The following PAPPA2 variants were observed in gnomAD, a reference collection of about 807,000 sequenced individuals.
The protein encoded by PAPPA2 is pappalysin-2.
Under a neutral mutation model 176.4 loss-of-function variants are expected in PAPPA2, and 86 were observed. The observed-to-expected ratio is 0.49, with a 90% CI of 0.41 to 0.58. The LOEUF is 0.58. Among genes scored for constraint, PAPPA2 ranks in the 20% least tolerant of loss-of-function variants. The pLI is 0.00. For synonymous variants in PAPPA2, 809 were observed against 852.2 expected (o/e 0.95, Z 0.88); for missense variants, 2,073 against 2,256.9 (o/e 0.92, Z 1.65).
At chr1:176,806,585 G>C (rs530427472) in intron 21 of PAPPA2, among the ~76,000 whole-genome samples, 1 of 152,268 alleles carries the variant, frequency 6.6e-6, no homozygotes, top group African/African-American at 2.4e-5. Context: ...GCTTAACACA[G>C]CTCCATCTCT....
chr1:176,623,736 C>CTCTTTCTTTT (rs1655813155), intron 3 of PAPPA2, among the ~76,000 whole-genome samples: 1 of 107,068 alleles, frequency 9.3e-6, no homozygotes, highest in African/African-American at 3.8e-5. Flanking sequence ...CTCTTTCTTT[C>CTCTTTCTTTT]TTTCTCTCTC....
At position 176,764,596 on chromosome 1, in the gene PAPPA2, C is replaced by CTT. The variant is rs1214683318; in HGVS notation, c.4152-1053_4152-1052dup. On this transcript the variant is annotated intron_variant, in intron 14 of 22. Transcript: ENST00000367662. ...GACACTCATTTTGCTCCAGTGTATT[C>CTT]TTTTTTTTTTTTTTTTTTGAGACGG... is the stretch of plus-strand genomic sequence containing the variant. 4.5e-3 allele frequency among the ~76,000 whole-genome samples: 617 copies of CTT among 136,092 alleles called. 11 individuals are homozygous for CTT. Among genetic ancestry groups the CTT allele is most frequent in the African/African-American group, 0.015 (542 of 37,124 alleles). 89.3% of individuals were successfully genotyped at this position (136,092 alleles called of 152,430 possible). A position where few individuals can be genotyped will look rare whatever the true frequency, so the allele number is the denominator to read the frequency against.
chr1:176,470,986 T>C (rs1651846478), intron 1 of PAPPA2, among the ~76,000 whole-genome samples: 1 of 152,136 alleles, frequency 6.6e-6, no homozygotes, highest in South Asian at 2.1e-4. Flanking sequence ...GAAGGAGCCA[T>C]TGATTCTGGG....
chr1:176,571,048 G>A (rs1652297309), intron 2 of PAPPA2, among the ~76,000 whole-genome samples: 3 of 152,090 alleles, frequency 2.0e-5, no homozygotes, highest in African/African-American at 4.8e-5. Context: ...CATCATCTGT[G>A]TGCCCCTCCA....
chr1:176,587,531 A>G (rs956589557), intron 2 of PAPPA2, among the ~76,000 whole-genome samples: 2 of 152,162 alleles, frequency 1.3e-5, no homozygotes, highest in Admixed American at 6.5e-5. Flanking sequence ...TCCCAGCACC[A>G]TTTACTGAAT....
intron 21 of PAPPA2, among the ~76,000 whole-genome samples, chr1:176,807,222 C>G (rs1665943309): frequency 6.6e-6 from 1 of 152,138 alleles, no homozygotes; most frequent in African/African-American, 2.4e-5. Flanking sequence ...GGATACTTCT[C>G]CCCACTATTA....
intron 1 of PAPPA2, among the ~76,000 whole-genome samples, chr1:176,517,489 A>G (rs1648979500): frequency 6.6e-6 from 1 of 152,190 alleles, no homozygotes; most frequent in African/African-American, 2.4e-5. Context: ...TAAATATTAA[A>G]AAGGAAACTA....
At chr1:176,667,587 C>G (rs1475284350) in intron 3 of PAPPA2, among the ~76,000 whole-genome samples, 1 of 152,074 alleles carries the variant, frequency 6.6e-6, no homozygotes, top group Non-Finnish European at 1.5e-5. Context: ...GGAGAGGGAT[C>G]AGGTCAAAGG....
rs192191288 is a variant in PAPPA2 at position 176,529,012 on chromosome 1, T to A, written c.-916-26395T>A. 9.8e-5 allele frequency among the ~76,000 whole-genome samples: 15 copies of A among 152,294 alleles called. No homozygotes were observed. The East Asian group carries it at 2.9e-3, about 29-fold the overall frequency. Reference sequence around the variant, plus strand: ...TCTTGCTTATTGGATTCCAAGTTACTTGTGGGCAGGAAGCAGACCATGCAT... The same window carrying A: ...TCTTGCTTATTGGATTCCAAGTTACATGTGGGCAGGAAGCAGACCATGCAT... On this transcript the variant is annotated intron_variant, in intron 1 of 22. Transcript: ENST00000367662.
chr1:176,661,809 A>G (rs987214814), intron 3 of PAPPA2, among the ~76,000 whole-genome samples: 1 of 152,144 alleles, frequency 6.6e-6, no homozygotes, highest in Non-Finnish European at 1.5e-5. Context: ...GAACAGTAAG[A>G]CAGACCAGAA....
At chr1:176,678,114 G>A (rs889952945) in intron 4 of PAPPA2, among the ~76,000 whole-genome samples, 1 of 152,134 alleles carries the variant, frequency 6.6e-6, no homozygotes, top group African/African-American at 2.4e-5. Context: ...GGAAGAACTG[G>A]CAGATGGCAG....
chr1:176,617,161 T>A (rs1655310970), intron 3 of PAPPA2, among the ~76,000 whole-genome samples: 1 of 152,210 alleles, frequency 6.6e-6, no homozygotes, highest in Admixed American at 6.5e-5. Flanking sequence ...GAATAGAGGT[T>A]GTGCTGTGCC....
rs376327874 is a variant in PAPPA2 at position 176,769,584 on chromosome 1, A to G, written c.4324-23A>G. ...ATACGCCTTTTAATGTGACTTTGACAGAAGCAATTTCTCTGTTTCTAGAAG... is the reference window on the plus strand; with the variant it reads ...ATACGCCTTTTAATGTGACTTTGACGGAAGCAATTTCTCTGTTTCTAGAAG... On this transcript the variant is annotated intron_variant, in intron 15 of 22. Transcript: ENST00000367662. The G allele has an allele frequency of 1.3e-4, 216 of 1,610,556 alleles. 1 individual carries two copies. Among genetic ancestry groups the G allele is most frequent in the Non-Finnish European group, 1.8e-4 (210 of 1,177,534 alleles).
rs1667520542 is a variant in PAPPA2, at chr1:176,842,376, C to G, written c.5302-4C>G. The G allele has an allele frequency of 6.2e-7, 1 of 1,612,668 alleles. No individual in the cohort carries two copies. The highest frequency in any genetic ancestry group is 8.5e-7 in the Non-Finnish European group (1 of 1,178,958). On this transcript the variant is annotated splice_region_variant and splice_polypyrimidine_tract_variant and intron_variant, in intron 22 of 22. Transcript: ENST00000367662. ...CTATTTCTACTTCCCTTTCATTCCCCTAGGTCATTCCATTTGCTGCTGACT... is the reference window on the plus strand; with the variant it reads ...CTATTTCTACTTCCCTTTCATTCCCGTAGGTCATTCCATTTGCTGCTGACT...
At chr1:176,782,730 G>A (rs1403734861) in intron 17 of PAPPA2, among the ~76,000 whole-genome samples, 1 of 152,096 alleles carries the variant, frequency 6.6e-6, no homozygotes, top group African/African-American at 2.4e-5. Flanking sequence ...AAGAAGTTTG[G>A]ATTTCATTTT....
intron 18 of PAPPA2, among the ~76,000 whole-genome samples, 172 bp from the exon 19 acceptor site, chr1:176,791,173 ATT>A (rs57185368): frequency 4.9e-5 from 4 of 80,880 alleles, no homozygotes; most frequent in African/African-American, 6.0e-5. Context: ...AAAGCAAAGA[ATT>A]TTTTTTTTTT....
In PAPPA2 at chr1:176,740,159, A is replaced by G. The variant is rs374839920; in HGVS notation, c.4114A>G (p.Ile1372Val). The G allele has an allele frequency of 6.2e-7, 1 of 1,613,820 alleles. No individual in the cohort carries two copies. Residue 1372 changes from isoleucine to valine, a missense_variant, in exon 14 of 23, where the codon ATC becomes GTC. By Grantham distance (29) the Ile-to-Val change is conservative (BLOSUM62 3). Transcript: ENST00000367662. Reference protein sequence around the residue: ...RIGLSAPSNCISEDEGQNHQG... With the variant: ...RIGLSAPSNCVSEDEGQNHQG... ...TGGTCTTTCGGCTCCCAGTAACTGCATCTCAGAGGACGAGGGGCAGAATCA... is the reference window on the plus strand; with the variant it reads ...TGGTCTTTCGGCTCCCAGTAACTGCGTCTCAGAGGACGAGGGGCAGAATCA...
chr1:176,748,484 G>A (rs549220106), intron 14 of PAPPA2, among the ~76,000 whole-genome samples: 46 of 152,208 alleles, frequency 3.0e-4, no homozygotes, highest in African/African-American at 9.9e-4. Context: ...AATGATACCT[G>A]TCCAGATTTT....
intron 3 of PAPPA2, among the ~76,000 whole-genome samples, chr1:176,648,043 CA>C (rs781247898): frequency 6.6e-6 from 1 of 151,282 alleles, no homozygotes; most frequent in Non-Finnish European, 1.5e-5. Context: ...GTCATTTTAA[CA>C]ACATTAATTC....
Sources: allele counts gnomAD v4.1 joint callset (sites outside exome capture counted in the v4.1 genomes callset), GRCh38; gene constraint gnomAD v4.1.1; transcripts MANE v1.5; gene names NCBI Gene and HGNC (gene_info 2026-07-23, HGNC 2026-07-21).